Variants in RPTOR observed in about 807,000 individuals in gnomAD.
RPTOR encodes the protein regulatory-associated protein of mTOR.
Under a neutral mutation model 169.9 loss-of-function variants are expected in RPTOR, and 21 were observed. The ratio of observed to expected loss-of-function variants is 0.12; its 90% CI spans 0.09 to 0.18. The LOEUF (loss-of-function observed/expected upper bound fraction) is 0.18. RPTOR is among the 10% of genes least tolerant of loss of function. The probability of loss-of-function intolerance (pLI) is 1.00; values close to 1 mark genes in which losing one functional copy is unlikely to be tolerated. For synonymous variants in RPTOR, 732 were observed against 753.2 expected (o/e 0.97, Z 0.46); for missense variants, 1,133 against 1,855.9 (o/e 0.61, Z 7.16).
intron 3 of RPTOR, among the ~76,000 whole-genome samples, chr17:80,666,438 G>A (rs1468254193): frequency 1.3e-5 from 2 of 152,142 alleles, no homozygotes; most frequent in Non-Finnish European, 2.9e-5. Flanking sequence ...GTGAGTATAG[G>A]TGAGGCCGAA....
intron 6 of RPTOR, among the ~76,000 whole-genome samples, chr17:80,788,914 C>G (rs370297258): frequency 1.2e-4 from 18 of 152,232 alleles, no homozygotes; most frequent in African/African-American, 3.4e-4. Context: ...TGAAAGAAAT[C>G]GTATAAAATG....
rs1444054401 is a variant in RPTOR at position 80,883,383 on chromosome 17, G to A, written c.1585-36G>A. 4 of 1,600,158 alleles carry A rather than the reference G, an allele frequency of 2.5e-6. No individual in the cohort carries two copies. In the Admixed American group the frequency reaches 5.0e-5, roughly 20 times the overall value. On this transcript the variant is annotated intron_variant, in intron 14 of 33. Transcript: ENST00000306801. The stretch of plus-strand genomic sequence containing the variant: ...TACTTTGGGAATGAGAGTTTCCACT[G>A]AGGGGAGACGACCAGGACTGGTTTT...
intron 4 of RPTOR, among the ~76,000 whole-genome samples, chr17:80,729,074 A>T (rs1371245681): frequency 6.6e-6 from 1 of 152,222 alleles, no homozygotes; most frequent in African/African-American, 2.4e-5. Flanking sequence ...TCTGAGATAT[A>T]ACTTACGTCT....
chr17:80,816,072 A>G (rs950020023), intron 7 of RPTOR, among the ~76,000 whole-genome samples: 2 of 152,384 alleles, frequency 1.3e-5, no homozygotes, highest in African/African-American at 4.8e-5. Context: ...CTCCAGCCAG[A>G]GGAGTTTTGC....
At chr17:80,706,278 A>C (rs989427303) in intron 3 of RPTOR, among the ~76,000 whole-genome samples, 2 of 152,010 alleles carry the variant, frequency 1.3e-5, no homozygotes, top group Non-Finnish European at 2.9e-5. Flanking sequence ...CCCCAACCCC[A>C]GAAGGTCGTA....
At position 80,820,926 on chromosome 17, in the gene RPTOR, G is replaced by A. The variant is rs1352647963; in HGVS notation, c.891-1275G>A. On this transcript the variant is annotated intron_variant, in intron 7 of 33. Transcript: ENST00000306801. The surrounding 1 kb of genome is among the most constrained non-coding windows in gnomAD (Gnocchi z 4.1). ...GGGTAAACTGGTCTCCACTGTGGAG[G>A]TCGAAATTTTTCTTGAATTTGGAAA... 6.6e-6 allele frequency among the ~76,000 whole-genome samples: 1 copy of A among 152,214 alleles called. No individual in the cohort carries two copies. The highest frequency in any genetic ancestry group is 1.5e-5 in the Non-Finnish European group (1 of 68,036).
chr17:80,793,757 G>T (rs919377108), intron 7 of RPTOR, among the ~76,000 whole-genome samples: 8 of 152,230 alleles, frequency 5.3e-5, no homozygotes, highest in African/African-American at 7.2e-5. Flanking sequence ...CACATCTCTA[G>T]AGCAAAAAGG....
chr17:80,588,823 G>A (rs1015191100), intron 1 of RPTOR, among the ~76,000 whole-genome samples: 5 of 152,068 alleles, frequency 3.3e-5, no homozygotes, highest in African/African-American at 7.2e-5. Flanking sequence ...TTTATATGTG[G>A]AACATTTCTT....
rs2069342336 is a variant in RPTOR, at chr17:80,961,578, A to G, written c.3692+98A>G. 9 of 1,337,458 alleles carry G rather than the reference A, an allele frequency of 6.7e-6. No homozygotes were observed. The South Asian group carries it at 1.2e-4, about 18-fold the overall frequency. The allele number at this position is 1,337,458 out of a possible 1,614,324, so 82.8% of individuals were successfully genotyped here. A position where few individuals can be genotyped will look rare whatever the true frequency, so the allele number is the denominator to read the frequency against. On this transcript the variant is annotated intron_variant, in intron 31 of 33. Transcript: ENST00000306801. ...TTGGTATTTAAACAGCTGGAAGGGG[A>G]TGGCATTTCGGGCAGTAATTAACTC... is the stretch of plus-strand genomic sequence containing the variant.
intron 17 of RPTOR, among the ~76,000 whole-genome samples, chr17:80,888,335 C>G (rs2068274154): frequency 6.6e-6 from 1 of 152,176 alleles, no homozygotes; most frequent in African/African-American, 2.4e-5. Context: ...AGGCTGGCCT[C>G]AAATTCCTGG....
At chr17:80,583,258 C>A (rs1324945657) in intron 1 of RPTOR, among the ~76,000 whole-genome samples, 8 of 143,380 alleles carry the variant, frequency 5.6e-5, no homozygotes, top group Non-Finnish European at 1.2e-4. Flanking sequence ...GCGCGATCAC[C>A]GCTCATTGCA....
At position 80,947,237 on chromosome 17, in the gene RPTOR, T is replaced by C. The variant is rs1453498755; in HGVS notation, c.3151T>C (p.Trp1051Arg). ...ADKDSICFWD[W>R]EKGEKLDYFH... Reference sequence around the variant, plus strand: ...TCTTCTTCCCTTAAGCTTTTGGGACTGGGAGAAAGGGGAGAAGCTGGATTA... The same window carrying C: ...TCTTCTTCCCTTAAGCTTTTGGGACCGGGAGAAAGGGGAGAAGCTGGATTA... The change falls in exon 27 of 34, where the codon TGG (tryptophan) becomes CGG (arginine). Residue 1051 changes from tryptophan (W) to arginine (R), a missense_variant. Transcript: ENST00000306801. This position sits in a 1 kb window ranked among gnomAD's most constrained non-coding sequence, Gnocchi z 4.4. The C allele has an allele frequency of 1.4e-5, 22 of 1,597,058 alleles. No individual in the cohort carries two copies. The highest frequency in any genetic ancestry group is 1.9e-5 in the Non-Finnish European group (22 of 1,173,822).
intron 21 of RPTOR, among the ~76,000 whole-genome samples, chr17:80,917,802 G>C (rs992694304): frequency 1.3e-5 from 2 of 152,072 alleles, no homozygotes; most frequent in African/African-American, 2.4e-5. Context: ...CTCTCTCCCA[G>C]CTCAGGGCCC....
intron 25 of RPTOR, among the ~76,000 whole-genome samples, chr17:80,944,170 G>A (rs1287009609): frequency 1.3e-5 from 2 of 152,232 alleles, no homozygotes; most frequent in Non-Finnish European, 2.9e-5. Context: ...TGGTGGTTAA[G>A]TCCACGTTCC....
At chr17:80,963,837 T>C (rs1055235852) in intron 33 of RPTOR, among the ~76,000 whole-genome samples, 97 of 138,424 alleles carry the variant, frequency 7.0e-4, no homozygotes, top group Admixed American at 6.5e-4. Flanking sequence ...GTCCTCACCC[T>C]GTCCCCTGTG....
intron 11 of RPTOR, among the ~76,000 whole-genome samples, 187 bp from the exon 12 acceptor site, chr17:80,855,277 G>A (rs376929412): frequency 1.3e-5 from 2 of 152,222 alleles, no homozygotes; most frequent in African/African-American, 4.8e-5. Context: ...GGCATAAAGC[G>A]TGTTTTCTTC....
Position 80,820,295 on chromosome 17 carries a change from T to C in RPTOR, c.891-1906T>C, listed in dbSNP as rs559771065. 6.6e-6 allele frequency among the ~76,000 whole-genome samples: 1 copy of C among 151,998 alleles called. No homozygotes were observed. The highest frequency in any genetic ancestry group is 1.5e-5 in the Non-Finnish European group (1 of 67,990). On this transcript the variant is annotated intron_variant, in intron 7 of 33. Coordinates refer to ENST00000306801, the MANE Select transcript of RPTOR (RefSeq NM_020761.3). This position sits in a 1 kb window ranked among gnomAD's most constrained non-coding sequence, Gnocchi z 4.1. The stretch of plus-strand genomic sequence containing the variant: ...ATTGACGATCTTGTCAGTCATTTCA[T>C]TAAAACGGTTTTCAGCATATGTGTT...
chr17:80,815,246 A>G (rs2067311351), intron 7 of RPTOR, among the ~76,000 whole-genome samples: 2 of 152,254 alleles, frequency 1.3e-5, no homozygotes, highest in African/African-American at 4.8e-5. Context: ...CACCTGGCCC[A>G]GGCTCTGCTG....
In RPTOR at chr17:80,947,249, G is replaced by T; in HGVS notation, c.3163G>T (p.Glu1055Ter). ...AAGCTTTTGGGACTGGGAGAAAGGG[G>T]AGAAGCTGGATTATTTCCACAATGG... is the stretch of plus-strand genomic sequence containing the variant. Reference protein sequence around the residue: ...SICFWDWEKGEKLDYFHNGNP... With the variant: ...SICFWDWEKG The change falls in exon 27 of 34, where the codon GAG (glutamate) becomes TAG (stop). Residue 1055 changes from glutamate (E) to a stop codon, truncating the protein, a stop_gained. Coordinates refer to ENST00000306801, the MANE Select transcript of RPTOR (RefSeq NM_020761.3). LOFTEE classifies it high-confidence loss of function. This position sits in a 1 kb window ranked among gnomAD's most constrained non-coding sequence, Gnocchi z 4.4. 1 of 1,601,506 alleles carries T rather than the reference G, an allele frequency of 6.2e-7. No individual in the cohort carries two copies. The highest frequency in any genetic ancestry group is 8.5e-7 in the Non-Finnish European group (1 of 1,175,334).
Sources: gnomAD v4.1 joint callset for allele counts (sites outside exome capture counted in the v4.1 genomes callset) on GRCh38, gnomAD v4.1.1 for gene constraint, Gnocchi (gnomAD v3.1) non-coding constraint, MANE v1.5 for transcripts, NCBI Gene and HGNC (gene_info 2026-07-23, HGNC 2026-07-21) for gene names.